Variants in SLC16A3 observed in about 807,000 individuals in gnomAD.
The protein encoded by SLC16A3 is monocarboxylate transporter 4.
Under a neutral mutation model 25.0 loss-of-function variants are expected in SLC16A3, and 22 were observed. The ratio of observed to expected loss-of-function variants is 0.88; its 90% CI spans 0.63 to 1.26. The LOEUF is 1.26. Ranked by LOEUF, SLC16A3 falls within the 50% of genes most tolerant of loss-of-function variation. SLC16A3 has a pLI of 0.00. For synonymous variants in SLC16A3, 390 were observed against 309.2 expected, an observed-to-expected ratio of 1.26 and a Z score of -2.74; for missense variants, 731 against 666.6, an observed-to-expected ratio of 1.10 and a Z score of -1.06.
At chr17:82,225,110 A>C (rs2147108830), upstream of SLC16A3, among the ~76,000 whole-genome samples, 1 of 152,298 alleles carries the variant, frequency 6.6e-6, no homozygotes, top group Non-Finnish European at 1.5e-5. Flanking sequence ...AAAATACAAA[A>C]CATTAGCTGG....
chr17:82,228,085 G>C (rs1400582338), upstream of SLC16A3, among the ~76,000 whole-genome samples: 4 of 152,220 alleles, frequency 2.6e-5, no homozygotes, highest in Non-Finnish European at 5.9e-5. Context: ...CCGGGTCCGG[G>C]AGGGGCCAGT....
chr17:82,238,698 G>C lies in SLC16A3; in HGVS notation c.1124-4G>C. On this transcript the variant is annotated splice_polypyrimidine_tract_variant and splice_region_variant and intron_variant, in intron 4 of 4. Transcript: ENST00000582743. ...CGGCTGGGACTGACGGGGTCTTCCC[G>C]CAGGCAAACTCCTGGATGCGACCCA... is the stretch of plus-strand genomic sequence containing the variant. 1 of 1,604,530 alleles carries C rather than the reference G, an allele frequency of 6.2e-7. No individual in the cohort carries two copies. Among genetic ancestry groups the C allele is most frequent in the Non-Finnish European group, 8.5e-7 (1 of 1,175,270 alleles).
intron 2 of SLC16A3, chr17:82,236,502 A>C (rs2050605681): frequency 7.8e-6 from 5 of 640,246 alleles, no homozygotes; most frequent in Non-Finnish European, 1.1e-5. Context: ...GCCGTTCCTG[A>C]AAAGGTGGCT....
chr17:82,233,375 A>G (rs1396104986), intron 1 of SLC16A3, among the ~76,000 whole-genome samples: 1 of 152,144 alleles, frequency 6.6e-6, no homozygotes, highest in Non-Finnish European at 1.5e-5. Context: ...CAAGCACCTC[A>G]GGTCTCAGAA....
chr17:82,232,781 G>A (rs929017527), intron 1 of SLC16A3, among the ~76,000 whole-genome samples: 20 of 152,042 alleles, frequency 1.3e-4, no homozygotes, highest in South Asian at 4.1e-4. Flanking sequence ...CAGGCCTCCC[G>A]CTCAGCTTCC....
intron 4 of SLC16A3, 51 bp downstream of exon 4, chr17:82,237,944 C>A: frequency 6.4e-7 from 1 of 1,568,762 alleles, no homozygotes; most frequent in Admixed American, 1.7e-5. Flanking sequence ...TCCCGTCAGA[C>A]GCCCGCTTTG....
At chr17:82,218,574 G>T (rs898576099) in intron 1 of SLC16A3, among the ~76,000 whole-genome samples, 1 of 152,190 alleles carries the variant, frequency 6.6e-6, no homozygotes, top group African/African-American at 2.4e-5. Context: ...CCATGTGTAA[G>T]GTGCCGAGGG....
rs1568538286 is a variant in SLC16A3 at position 82,236,258 on chromosome 17, C to CT, written c.223+28dup. The CT allele has an allele frequency of 2.5e-6, 4 of 1,595,844 alleles. No homozygotes were observed. In the South Asian group the frequency reaches 4.4e-5, roughly 18 times the overall value. On this transcript the variant is annotated intron_variant, in intron 2 of 4. Transcript: ENST00000582743. ...TGAGGGTGGCCTCACACCGGGCCCC[C>CT]TGTCCGGGGCTCTGCTGGCGGATCC...
Position 82,236,185 on chromosome 17 carries a change from C to CA in SLC16A3, c.178dup (p.Thr60AsnfsTer97). On this transcript the variant is annotated frameshift_variant, in exon 2 of 5. Transcript: ENST00000582743. LOFTEE classifies it high-confidence loss of function. ...AGGAGTTTGGGATCGGCTACAGCGACACAGCCTGGATCTCCTCCATCCTGC... is the reference window on the plus strand; with the variant it reads ...AGGAGTTTGGGATCGGCTACAGCGACAACAGCCTGGATCTCCTCCATCCTGC... The CA allele has an allele frequency of 6.2e-7, 1 of 1,613,084 alleles. No homozygotes were observed. The highest frequency in any genetic ancestry group is 8.5e-7 in the Non-Finnish European group (1 of 1,179,956).
intron 1 of SLC16A3, chr17:82,230,938 C>T (rs554587066): frequency 2.0e-5 from 3 of 152,350 alleles, no homozygotes; most frequent in African/African-American, 7.2e-5. Flanking sequence ...AGTCCCGAGC[C>T]GCGCCCACTG....
upstream of SLC16A3, among the ~76,000 whole-genome samples, chr17:82,223,549 G>A (rs1348937125): frequency 2.0e-5 from 3 of 152,054 alleles, no homozygotes; most frequent in Non-Finnish European, 4.4e-5. Context: ...CTGTCACCCA[G>A]GCTGGAGTGC....
intron 1 of SLC16A3, chr17:82,229,632 GA>G (rs1669716836): frequency 6.6e-6 from 1 of 152,312 alleles, no homozygotes; most frequent in African/African-American, 2.4e-5. Context: ...CTAACAGCCC[GA>G]GACCGTGCAG....
At chr17:82,229,903 T>C (rs2050466565) in intron 1 of SLC16A3, 1 of 152,480 alleles carries the variant, frequency 6.6e-6, no homozygotes, top group Non-Finnish European at 1.5e-5. Flanking sequence ...CTGGAGTCGG[T>C]GAGGGACGAT....
intron 1 of SLC16A3, chr17:82,234,606 CA>C (rs2050565251): frequency 6.6e-6 from 1 of 152,290 alleles, no homozygotes; most frequent in Admixed American, 6.5e-5. Context: ...GCAGGGACTC[CA>C]GGGGGCACAG....
chr17:82,218,805 C>T (rs908425944), intron 1 of SLC16A3, among the ~76,000 whole-genome samples: 1 of 152,170 alleles, frequency 6.6e-6, no homozygotes, highest in African/African-American at 2.4e-5. Flanking sequence ...GCTGGTGGCA[C>T]TGGCTGTTCC....
In SLC16A3 at chr17:82,229,374, G is replaced by A. The variant is rs1173188384; in HGVS notation, c.-27+268G>A. ...CGGTCCGGCCCGGCGCCCACCCGTC[G>A]GGCTGCCCTCAGGGGCTGGGCTCGG... On this transcript the variant is annotated intron_variant, in intron 1 of 4. Coordinates refer to ENST00000582743, the MANE Select transcript of SLC16A3 (RefSeq NM_004207.4). The A allele has an allele frequency of 2.0e-5, 3 of 152,296 alleles. No individual in the cohort carries two copies. In the East Asian group the frequency reaches 5.8e-4, roughly 29 times the overall value. 9.4% of individuals were successfully genotyped at this position (152,296 alleles called of 1,614,324 possible).
upstream of SLC16A3, among the ~76,000 whole-genome samples, chr17:82,225,216 T>G (rs1405126781): frequency 6.6e-6 from 1 of 151,950 alleles, no homozygotes; most frequent in Non-Finnish European, 1.5e-5. Context: ...GACCCAAGAA[T>G]GCACCACTAC....
intron 4 of SLC16A3, 104 bp downstream of exon 4, chr17:82,237,997 G>T: frequency 7.4e-7 from 1 of 1,346,256 alleles, no homozygotes; most frequent in Admixed American, 2.1e-5. Flanking sequence ...CCCGCAGTGT[G>T]GGACTCAGAG....
In SLC16A3 at chr17:82,237,323, G is replaced by A. The variant is rs903544561; in HGVS notation, c.553G>A (p.Gly185Ser). The A allele has an allele frequency of 9.1e-6, 14 of 1,543,754 alleles. No individual in the cohort carries two copies. The highest frequency in any genetic ancestry group is 9.6e-6 in the Non-Finnish European group (11 of 1,143,932). Reference sequence around the variant, plus strand: ...GCGGGGCGGCTTCCTCATCCTGGGCGGCCTGCTGCTCAACTGCTGCGTGTG... The same window carrying A: ...GCGGGGCGGCTTCCTCATCCTGGGCAGCCTGCTGCTCAACTGCTGCGTGTG... ...GWRGGFLILG[G>S]LLLNCCVCAA... The change falls in exon 4 of 5, where the codon GGC (glycine) becomes AGC (serine). Residue 185 changes from glycine to serine, a missense_variant. By Grantham distance (56) the Gly-to-Ser change is moderately conservative. Coordinates refer to ENST00000582743, the MANE Select transcript of SLC16A3 (RefSeq NM_004207.4).
Sources: gnomAD v4.1 joint callset for allele counts (sites outside exome capture counted in the v4.1 genomes callset) on GRCh38, gnomAD v4.1.1 for gene constraint, MANE v1.5 for transcripts, NCBI Gene and HGNC (gene_info 2026-07-23, HGNC 2026-07-21) for gene names.